Variants in RAD23B observed in about 807,000 individuals in gnomAD.
RAD23B encodes the protein lysine-specific demethylase RAD23B.
RAD23B carries 5 observed loss-of-function variants against 49.1 expected under a neutral mutation model. The ratio of observed to expected loss-of-function variants is 0.10; its 90% CI spans 0.05 to 0.21. RAD23B has a LOEUF of 0.21. RAD23B is among the 10% of genes least tolerant of loss of function. The pLI, the probability that RAD23B is intolerant of heterozygous loss-of-function variation, is 1.00. For missense variants in RAD23B, 356 were observed against 486.7 expected, an observed-to-expected ratio of 0.73 and a Z score of 2.53; for synonymous variants, 184 against 165.4, an observed-to-expected ratio of 1.11 and a Z score of -0.86.
intron 4 of RAD23B, among the ~76,000 whole-genome samples, chr9:107,308,857 A>C (rs1486122914): frequency 1.3e-5 from 2 of 152,186 alleles, no homozygotes; most frequent in African/African-American, 2.4e-5. Context: ...CTAGTGAATA[A>C]TTATCAGGAG....
At chr9:107,298,448 C>T (rs2133071713) in intron 1 of RAD23B, among the ~76,000 whole-genome samples, 1 of 144,464 alleles carries the variant, frequency 6.9e-6, no homozygotes, top group African/African-American at 2.6e-5. Context: ...GCTGGGATTA[C>T]AGGCATTTAC....
chr9:107,324,813 C>G, intron 8 of RAD23B, 21 bp from the exon 9 acceptor site: 1 of 1,566,370 alleles, frequency 6.4e-7, no homozygotes, highest in Non-Finnish European at 8.6e-7. Context: ...TTATTTTTCT[C>G]TGTCCTTCAT....
In RAD23B at chr9:107,318,652, A is replaced by G. The variant is rs571260232; in HGVS notation, c.554-100A>G. ...TGTTACTCATCTTTGTATTCCCAGC[A>G]TAGTAGTTCCTGAAATGTTGTATAC... On this transcript the variant is annotated intron_variant, in intron 5 of 9. Transcript: ENST00000358015. This position sits in a 1 kb window ranked among gnomAD's most constrained non-coding sequence, Gnocchi z 4.3. 4.4e-5 allele frequency: 56 copies of G among 1,269,324 alleles called. No individual in the cohort carries two copies. In the Middle Eastern group the frequency reaches 1.0e-3, roughly 23 times the overall value. 78.6% of individuals were successfully genotyped at this position (1,269,324 alleles called of 1,614,324 possible).
chr9:107,309,468 C>T (rs1826846179), intron 4 of RAD23B, among the ~76,000 whole-genome samples: 1 of 152,124 alleles, frequency 6.6e-6, no homozygotes, highest in African/African-American at 2.4e-5. Flanking sequence ...TGTGGGTATG[C>T]ATGTTAATGT....
intron 3 of RAD23B, among the ~76,000 whole-genome samples, chr9:107,303,343 C>T (rs1826696862): frequency 6.6e-6 from 1 of 152,054 alleles, no homozygotes; most frequent in African/African-American, 2.4e-5. Context: ...TTCTAATTAC[C>T]ACATGCTTTT....
chr9:107,305,577 C>T (rs186474212), intron 3 of RAD23B, among the ~76,000 whole-genome samples: 1 of 152,172 alleles, frequency 6.6e-6, no homozygotes, highest in East Asian at 1.9e-4. Flanking sequence ...TTTTTTTGCT[C>T]TGTGGGAAGC....
chr9:107,325,047 G>C (rs1222072035), intron 9 of RAD23B, 43 bp downstream of exon 9: 2 of 1,558,640 alleles, frequency 1.3e-6, no homozygotes, highest in Non-Finnish European at 8.7e-7. Context: ...TCTTGGCTGG[G>C]CTCATGCCTG....
intron 1 of RAD23B, chr9:107,283,915 C>T (rs998117142): frequency 1.2e-5 from 12 of 1,004,528 alleles, no homozygotes; most frequent in Non-Finnish European, 1.5e-5. Flanking sequence ...GGCCGGACGC[C>T]GAAGGCCTGG....
intron 5 of RAD23B, among the ~76,000 whole-genome samples, chr9:107,315,023 G>A (rs1223215812): frequency 6.6e-6 from 1 of 152,026 alleles, no homozygotes; most frequent in African/African-American, 2.4e-5. Context: ...TTAAAGTTCT[G>A]GATAATAGCA....
At chr9:107,307,217 TA>T (rs1181174054) in intron 4 of RAD23B, among the ~76,000 whole-genome samples, 1 of 151,872 alleles carries the variant, frequency 6.6e-6, no homozygotes, top group East Asian at 1.9e-4. Context: ...TGTGGATCTT[TA>T]GGGGAAAAAA....
intron 1 of RAD23B, among the ~76,000 whole-genome samples, chr9:107,291,512 C>T (rs772842809): frequency 6.6e-6 from 1 of 152,136 alleles, no homozygotes. Flanking sequence ...TAATGTTATG[C>T]TATCAGTTAT....
intron 4 of RAD23B, 146 bp from the exon 5 acceptor site, chr9:107,311,536 A>G (rs1826886400): frequency 7.0e-6 from 4 of 573,924 alleles, no homozygotes; most frequent in African/African-American, 3.9e-5. Context: ...GATTTAATCT[A>G]GAAGAGACAG....
chr9:107,311,004 T>C (rs1826878235), intron 4 of RAD23B, among the ~76,000 whole-genome samples: 1 of 152,178 alleles, frequency 6.6e-6, no homozygotes. Context: ...AACTACTACC[T>C]TTACCACTGT....
chr9:107,305,231 A>G (rs1332329003), intron 3 of RAD23B, among the ~76,000 whole-genome samples: 1 of 152,024 alleles, frequency 6.6e-6, no homozygotes, highest in Non-Finnish European at 1.5e-5. Context: ...GAGCCTTGGG[A>G]GGTTGAGGCT....
intron 5 of RAD23B, among the ~76,000 whole-genome samples, chr9:107,313,923 C>CCTCCTTCCTTCCTTT (rs766704320): frequency 1.1e-3 from 166 of 151,714 alleles, no homozygotes; most frequent in African/African-American, 3.8e-3. Context: ...CTCCTTCCTT[C>CCTCCTTCCTTCCTTT]CTCCTTCCTT....
intron 4 of RAD23B, among the ~76,000 whole-genome samples, chr9:107,310,331 A>G (rs1368842329): frequency 6.6e-6 from 1 of 152,204 alleles, no homozygotes; most frequent in East Asian, 1.9e-4. Flanking sequence ...TAAGCAAGAC[A>G]ACCAAAAAAA....
chr9:107,310,818 A>G (rs1004603520), intron 4 of RAD23B, among the ~76,000 whole-genome samples: 3 of 152,178 alleles, frequency 2.0e-5, no homozygotes, highest in Admixed American at 6.5e-5. Flanking sequence ...TTGACATTGT[A>G]CTGATGAAGA....
chr9:107,311,013 G>C (rs1826878326), intron 4 of RAD23B, among the ~76,000 whole-genome samples: 2 of 152,102 alleles, frequency 1.3e-5, no homozygotes, highest in African/African-American at 4.8e-5. Flanking sequence ...CTTTACCACT[G>C]TTGTAAACTT....
rs114592897 is a variant in RAD23B at position 107,288,045 on chromosome 9, C to T, written c.66+4350C>T. On this transcript the variant is annotated intron_variant, in intron 1 of 9. Transcript: ENST00000358015. ...AGTAAATGTATTAAAAATACTATAT[C>T]ACAGAGGTGAAATTAAGAGTTCTTG... Among the ~76,000 whole-genome samples the T allele has an allele frequency of 3.5e-3, 536 of 152,062 alleles. 4 individuals are homozygous for T. The highest frequency in any genetic ancestry group is 0.012 in the African/African-American group (511 of 41,456).
Sources: gnomAD v4.1 joint callset for allele counts (sites outside exome capture counted in the v4.1 genomes callset) on GRCh38, gnomAD v4.1.1 for gene constraint, Gnocchi (gnomAD v3.1) non-coding constraint, MANE v1.5 for transcripts, NCBI Gene and HGNC (gene_info 2026-07-23, HGNC 2026-07-21) for gene names.